LRRC4C: variants seen among roughly 807,000 people sequenced by gnomAD.
LRRC4C encodes the protein leucine-rich repeat-containing protein 4C.
LRRC4C carries 5 observed loss-of-function variants against 33.6 expected under a neutral mutation model. The ratio of observed to expected loss-of-function variants is 0.15; its 90% CI spans 0.08 to 0.31. The LOEUF (loss-of-function observed/expected upper bound fraction) is 0.31, where lower values mean the gene tolerates loss of function less well. LRRC4C is among the 10% of genes least tolerant of loss of function. The pLI, the probability that LRRC4C is intolerant of heterozygous loss-of-function variation, is 1.00. For synonymous variants in LRRC4C, 329 were observed against 302.0 expected, an observed-to-expected ratio of 1.09 and a Z score of -0.93; for missense variants, 560 against 796.7, an observed-to-expected ratio of 0.70 and a Z score of 3.58.
At chr11:41,318,437 C>T (rs1950859316) in intron 1 of LRRC4C, among the ~76,000 whole-genome samples, 1 of 152,156 alleles carries the variant, frequency 6.6e-6, no homozygotes, top group African/African-American at 2.4e-5. Context: ...GCAGAGATTC[C>T]AGTATTCTCT....
intron 1 of LRRC4C, among the ~76,000 whole-genome samples, chr11:41,088,543 G>A (rs183125344): frequency 6.5e-4 from 99 of 152,128 alleles, no homozygotes; most frequent in African/African-American, 2.3e-3. Context: ...CTTGAAAAGT[G>A]AAAATAATTT....
intron 3 of LRRC4C, among the ~76,000 whole-genome samples, chr11:40,403,792 C>A (rs1195593441): frequency 1.3e-5 from 2 of 152,048 alleles, no homozygotes; most frequent in Non-Finnish European, 2.9e-5. Flanking sequence ...GTTGACCAGG[C>A]TCATTCTCTA....
chr11:40,948,880 C>G (rs1486897841), intron 1 of LRRC4C, among the ~76,000 whole-genome samples: 2 of 151,908 alleles, frequency 1.3e-5, no homozygotes, highest in Non-Finnish European at 2.9e-5. Context: ...TGGGTATATA[C>G]CCAGTAATGG....
At chr11:40,767,114 AAAAT>A (rs1949511368) in intron 2 of LRRC4C, among the ~76,000 whole-genome samples, 1 of 152,132 alleles carries the variant, frequency 6.6e-6, no homozygotes, top group Admixed American at 6.6e-5. Context: ...ACATAGACAG[AAAAT>A]AAATAAATAA....
At chr11:40,878,061 T>C (rs10160218) in intron 2 of LRRC4C, among the ~76,000 whole-genome samples, 33,481 of 152,064 alleles carry the variant, frequency 0.22, 6,381 homozygotes, top group African/African-American at 0.52. Flanking sequence ...TGTCTGTTTT[T>C]TAATCATTTT....
chr11:40,618,255 C>T (rs997545800), intron 3 of LRRC4C, among the ~76,000 whole-genome samples: 1 of 120,618 alleles, frequency 8.3e-6, no homozygotes, highest in Non-Finnish European at 2.0e-5. Context: ...AGAGGACACA[C>T]AACAGCACCC....
At chr11:40,814,107 G>A (rs1951606616) in intron 2 of LRRC4C, among the ~76,000 whole-genome samples, 1 of 152,134 alleles carries the variant, frequency 6.6e-6, no homozygotes. Flanking sequence ...ACTCTGTGTG[G>A]GGGCTCCAAC....
At chr11:40,733,131 C>G (rs1362851832) in intron 2 of LRRC4C, among the ~76,000 whole-genome samples, 1 of 114,910 alleles carries the variant, frequency 8.7e-6, no homozygotes, top group Non-Finnish European at 1.6e-5. Flanking sequence ...GCTGGAGTAG[C>G]GTGGCGAGAT....
chr11:41,079,575 G>T (rs1308038448), intron 1 of LRRC4C, among the ~76,000 whole-genome samples: 2 of 151,972 alleles, frequency 1.3e-5, no homozygotes, highest in Admixed American at 6.6e-5. Flanking sequence ...TCAGAGAAAA[G>T]ACACTATGTC....
chr11:41,367,738 A>T (rs976546166), intron 1 of LRRC4C, among the ~76,000 whole-genome samples: 2 of 152,052 alleles, frequency 1.3e-5, no homozygotes, highest in Non-Finnish European at 1.5e-5. Context: ...ATGCATTCTC[A>T]GCAACTTGGC....
At chr11:40,184,212 T>C (rs1404230499) in intron 5 of LRRC4C, among the ~76,000 whole-genome samples, 1 of 152,194 alleles carries the variant, frequency 6.6e-6, no homozygotes, top group South Asian at 2.1e-4. Context: ...AAATTGCTGA[T>C]ATGTGTATGT....
intron 1 of LRRC4C, among the ~76,000 whole-genome samples, chr11:40,970,830 A>T (rs566017241): frequency 6.6e-6 from 1 of 152,204 alleles, no homozygotes; most frequent in East Asian, 1.9e-4. Flanking sequence ...CACTTTTGCT[A>T]TGCTTTAGCA....
At chr11:40,138,493 C>T (rs971594128) in intron 6 of LRRC4C, among the ~76,000 whole-genome samples, 3 of 152,212 alleles carry the variant, frequency 2.0e-5, no homozygotes, top group Non-Finnish European at 4.4e-5. Context: ...CCTAACCAAA[C>T]CTCATGGCTT....
Position 41,123,256 on chromosome 11 carries a change from G to GTTTTT in LRRC4C, c.-495-189534_-495-189533insAAAAA, listed in dbSNP as rs1456350828. Among the ~76,000 whole-genome samples the GTTTTT allele has an allele frequency of 5.6e-3, 602 of 107,090 alleles. 67 individuals are homozygous for GTTTTT. The highest frequency in any genetic ancestry group is 0.012 in the African/African-American group (294 of 25,320). 70.3% of individuals were successfully genotyped at this position (107,090 alleles called of 152,430 possible). A position where few individuals can be genotyped will look rare whatever the true frequency, so the allele number is the denominator to read the frequency against. On this transcript the variant is annotated intron_variant, in intron 1 of 6. Coordinates refer to ENST00000528697, the MANE Select transcript of LRRC4C (RefSeq NM_001258419.2). ...AAATGCTTTCTCTATCCTGAGCTAT[G>GTTTTT]TTTTGTTTTTTTTTTTTTTTTTTTT...
intron 2 of LRRC4C, among the ~76,000 whole-genome samples, chr11:40,769,143 C>A (rs1205814632): frequency 6.6e-6 from 1 of 151,312 alleles, no homozygotes; most frequent in South Asian, 2.1e-4. Flanking sequence ...TTGCAGGATA[C>A]AAAATCAACA....
chr11:40,741,335 C>A (rs1948148859), intron 2 of LRRC4C, among the ~76,000 whole-genome samples: 1 of 151,964 alleles, frequency 6.6e-6, no homozygotes. Flanking sequence ...TATGTACCCC[C>A]TAGCACCCAT....
chr11:40,885,881 C>T (rs887725499), intron 2 of LRRC4C, among the ~76,000 whole-genome samples: 3 of 152,084 alleles, frequency 2.0e-5, no homozygotes, highest in African/African-American at 4.8e-5. Context: ...TCCCTAAGGG[C>T]CTCAATGCTC....
intron 2 of LRRC4C, among the ~76,000 whole-genome samples, chr11:40,874,838 G>A (rs1355157373): frequency 1.3e-5 from 2 of 152,168 alleles, no homozygotes; most frequent in Non-Finnish European, 2.9e-5. Context: ...TGGACTGCTA[G>A]CAGTCTGGAG....
At chr11:40,136,011 A>C (rs1380074969) in intron 6 of LRRC4C, among the ~76,000 whole-genome samples, 2 of 152,226 alleles carry the variant, frequency 1.3e-5, no homozygotes, top group Non-Finnish European at 2.9e-5. Flanking sequence ...AGATGTAAGC[A>C]AAACTCTAAG....
Sources: allele counts gnomAD v4.1 joint callset (sites outside exome capture counted in the v4.1 genomes callset), GRCh38; gene constraint gnomAD v4.1.1; transcripts MANE v1.5; gene names NCBI Gene and HGNC (gene_info 2026-07-23, HGNC 2026-07-21).